The following ATRNL1 variants were observed in gnomAD, a reference collection of about 807,000 sequenced individuals.
The protein encoded by ATRNL1 is attractin like 1.
ATRNL1 carries 95 observed loss-of-function variants against 182.7 expected under a neutral mutation model. The ratio of observed to expected loss-of-function variants is 0.52; its 90% CI spans 0.44 to 0.62. The LOEUF is 0.62. ATRNL1 is among the 20% of genes least tolerant of loss of function. The pLI is 0.00. For missense variants in ATRNL1, 1,471 were observed against 1,679.5 expected (o/e 0.88, Z 2.17); for synonymous variants, 576 against 568.3 (o/e 1.01, Z -0.19).
intron 8 of ATRNL1, among the ~76,000 whole-genome samples, chr10:115,203,899 G>C (rs1848699759): frequency 6.6e-6 from 1 of 151,442 alleles, no homozygotes; most frequent in Admixed American, 6.6e-5. Flanking sequence ...ACCTGGCCTA[G>C]ATTGGGTCAA....
intron 20 of ATRNL1, among the ~76,000 whole-genome samples, chr10:115,409,263 C>A (rs1296052007): frequency 6.6e-6 from 1 of 151,938 alleles, no homozygotes; most frequent in Non-Finnish European, 1.5e-5. Flanking sequence ...TTGTAGTTTT[C>A]CTTGTAGAGT....
At chr10:115,924,025 A>G (rs958792571) in intron 28 of ATRNL1, among the ~76,000 whole-genome samples, 1 of 152,102 alleles carries the variant, frequency 6.6e-6, no homozygotes, top group Non-Finnish European at 1.5e-5. Flanking sequence ...CTTTTTTCAC[A>G]TATTTGTTGG....
intron 21 of ATRNL1, among the ~76,000 whole-genome samples, chr10:115,459,633 T>G (rs782224572): frequency 6.6e-6 from 1 of 152,146 alleles, no homozygotes; most frequent in Non-Finnish European, 1.5e-5. Flanking sequence ...AAAACTTCAT[T>G]AGCAATTTTA....
At chr10:115,662,571 G>T (rs1294088265) in intron 26 of ATRNL1, among the ~76,000 whole-genome samples, 2 of 152,168 alleles carry the variant, frequency 1.3e-5, no homozygotes, top group South Asian at 2.1e-4. Flanking sequence ...GAAACTTATT[G>T]AATAGTTTTT....
chr10:115,299,216 G>A (rs1853353722), intron 15 of ATRNL1, among the ~76,000 whole-genome samples: 1 of 151,586 alleles, frequency 6.6e-6, no homozygotes, highest in Admixed American at 6.6e-5. Context: ...ATAAAAAATT[G>A]TAAAGATTAG....
chr10:115,531,988 A>G (rs1294088391), intron 25 of ATRNL1, among the ~76,000 whole-genome samples: 1 of 149,540 alleles, frequency 6.7e-6, no homozygotes, highest in Admixed American at 6.7e-5. Flanking sequence ...ATTGATCTAT[A>G]TCTCTGTTTT....
At chr10:115,466,000 A>G (rs889818649) in intron 22 of ATRNL1, among the ~76,000 whole-genome samples, 1 of 151,442 alleles carries the variant, frequency 6.6e-6, no homozygotes, top group Non-Finnish European at 1.5e-5. Flanking sequence ...ATTTGGAGGT[A>G]TAAGATTGGG....
chr10:115,538,710 A>G (rs1361552504), intron 25 of ATRNL1, among the ~76,000 whole-genome samples: 32 of 152,132 alleles, frequency 2.1e-4, no homozygotes, highest in African/African-American at 7.5e-4. Flanking sequence ...ATAAAATTCA[A>G]TTTAATGCAT....
chr10:115,515,003 G>A (rs1850567351), intron 24 of ATRNL1, among the ~76,000 whole-genome samples: 1 of 151,774 alleles, frequency 6.6e-6, no homozygotes, highest in African/African-American at 2.4e-5. Context: ...GATTTGACTG[G>A]TTGCTTTTGA....
intron 27 of ATRNL1, among the ~76,000 whole-genome samples, chr10:115,768,639 G>A (rs1343692598): frequency 1.3e-5 from 2 of 152,032 alleles, no homozygotes; most frequent in Non-Finnish European, 2.9e-5. Flanking sequence ...CTAACTTTAT[G>A]TATCTTCTTC....
intron 27 of ATRNL1, among the ~76,000 whole-genome samples, chr10:115,732,038 G>A (rs1474716854): frequency 2.0e-5 from 3 of 152,178 alleles, no homozygotes; most frequent in Non-Finnish European, 2.9e-5. Flanking sequence ...TTGTATGGAT[G>A]TGGCACAGTT....
chr10:115,524,718 T>A (rs1188623881), intron 25 of ATRNL1, among the ~76,000 whole-genome samples: 1 of 152,224 alleles, frequency 6.6e-6, no homozygotes, highest in Non-Finnish European at 1.5e-5. Context: ...GTTCTATTTA[T>A]ACACTTAAAG....
chr10:115,126,149 C>A (rs1282696797), intron 3 of ATRNL1, among the ~76,000 whole-genome samples: 1 of 151,626 alleles, frequency 6.6e-6, no homozygotes, highest in African/African-American at 2.4e-5. Flanking sequence ...CCTCCACCTC[C>A]CAGGTTCAAG....
rs782552452 is a variant in ATRNL1, at chr10:115,469,329, G to A, written c.3654G>A (p.Gln1218=). The change falls in exon 24 of 29, where the codon CAG becomes CAA. Residue 1218 remains glutamine (Q), a splice_region_variant and synonymous_variant. Transcript: ENST00000355044. ...ACTTTTCCTGGCCTATTAAAATACA[G>A]GTAAGTGTTAAGAGTATTTACTTCT... ...VSNFSWPIKI[Q]IAFSQHNTIM... 1 of 1,514,222 alleles carries A rather than the reference G, an allele frequency of 6.6e-7. No homozygotes were observed. Among genetic ancestry groups the A allele is most frequent in the South Asian group, 1.3e-5 (1 of 77,350 alleles). 93.8% of individuals were successfully genotyped at this position (1,514,222 alleles called of 1,614,324 possible). A position where few individuals can be genotyped will look rare whatever the true frequency, so the allele number is the denominator to read the frequency against.
At chr10:115,789,455 CTTG>C (rs1555081156) in intron 27 of ATRNL1, among the ~76,000 whole-genome samples, 1 of 152,130 alleles carries the variant, frequency 6.6e-6, no homozygotes, top group Non-Finnish European at 1.5e-5. Flanking sequence ...TTATAGTGTG[CTTG>C]ATGGTGCTGT....
chr10:115,402,907 G>A (rs2134308633), intron 20 of ATRNL1, among the ~76,000 whole-genome samples: 1 of 152,226 alleles, frequency 6.6e-6, no homozygotes, highest in East Asian at 1.9e-4. Flanking sequence ...TGGGATGGGA[G>A]CCAAAATTCT....
At chr10:115,230,903 G>GAA (rs1337657340) in intron 9 of ATRNL1, among the ~76,000 whole-genome samples, 107 of 112,722 alleles carry the variant, frequency 9.5e-4, no homozygotes, top group African/African-American at 2.9e-3. Flanking sequence ...GAGAGAGAGA[G>GAA]AGAGAGAGAG....
chr10:115,150,117 C>A (rs559766514), intron 5 of ATRNL1, among the ~76,000 whole-genome samples: 1 of 151,742 alleles, frequency 6.6e-6, no homozygotes, highest in African/African-American at 2.4e-5. Context: ...TCTATGTTTT[C>A]CAGTTTGTTA....
intron 27 of ATRNL1, among the ~76,000 whole-genome samples, chr10:115,785,543 C>T (rs1949375624): frequency 2.6e-5 from 4 of 152,202 alleles, no homozygotes; most frequent in Admixed American, 1.3e-4. Context: ...AGAAGGCCCT[C>T]CACAGATCTT....
Sources: allele counts gnomAD v4.1 joint callset (sites outside exome capture counted in the v4.1 genomes callset), GRCh38; gene constraint gnomAD v4.1.1; transcripts MANE v1.5; gene names NCBI Gene and HGNC (gene_info 2026-07-23, HGNC 2026-07-21).